PHF6: variants seen among roughly 807,000 people sequenced by gnomAD.
PHF6 encodes PHD-like zinc finger protein.
A neutral mutation model predicts 34.0 loss-of-function variants in PHF6; 7 were observed. That is an observed-to-expected ratio of 0.21 (90% confidence interval 0.12 to 0.39). The LOEUF (loss-of-function observed/expected upper bound fraction) is 0.39, where lower values mean the gene tolerates loss of function less well. Ranked by LOEUF, PHF6 falls within the 10% of genes least tolerant of loss-of-function variation. The pLI, the probability that PHF6 is intolerant of heterozygous loss-of-function variation, is 1.00. For synonymous variants in PHF6, 89 were observed against 88.4 expected, an observed-to-expected ratio of 1.01 and a Z score of -0.04; for missense variants, 128 against 262.8, an observed-to-expected ratio of 0.49 and a Z score of 3.55.
chrX:134,423,739 G>T (rs768179658), intron 9 of PHF6, among the ~76,000 whole-genome samples: 9 of 111,739 alleles, frequency 8.1e-5, no homozygotes, highest in African/African-American at 2.6e-4. Flanking sequence ...ATTAGACCTA[G>T]TTTAGATAAT....
intron 3 of PHF6, among the ~76,000 whole-genome samples, chrX:134,380,336 C>T (rs1021643110): frequency 1.9e-4 from 21 of 109,453 alleles, no homozygotes; most frequent in South Asian, 7.9e-4. Flanking sequence ...TTAGTAGAGA[C>T]GGGGTTTCAC....
intron 5 of PHF6, among the ~76,000 whole-genome samples, chrX:134,406,645 G>A (rs1266697104): frequency 9.0e-6 from 1 of 111,523 alleles, no homozygotes; most frequent in Non-Finnish European, 1.9e-5. Context: ...ATAGAGAGGG[G>A]CCTGGCCATT....
chrX:134,425,204 A>G lies in PHF6; in HGVS notation c.972A>G (p.Leu324=), dbSNP rs1209551907. The G allele has an allele frequency of 8.3e-7, 1 of 1,210,432 alleles. No individual in the cohort carries two copies. Among genetic ancestry groups the G allele is most frequent in the Admixed American group, 2.2e-5 (1 of 45,970 alleles). The part of the protein sequence containing the change: ...IENMSRGIYK[L]YCKNHSGNDE... The stretch of plus-strand genomic sequence containing the variant: ...TTTTTGTCTTTCATCATTGTAGACT[A>G]TACTGTAAAAATCATAGTGGAAATG... Residue 324 remains leucine (L), a synonymous_variant, in exon 10 of 11, where the codon CTA becomes CTG. Transcript: ENST00000370803.
chrX:134,420,991 G>T (rs1196736225), intron 9 of PHF6, among the ~76,000 whole-genome samples: 2 of 111,548 alleles, frequency 1.8e-5, no homozygotes, highest in Non-Finnish European at 3.8e-5. Context: ...CTCACCAAAT[G>T]TATAAATTTA....
intron 3 of PHF6, among the ~76,000 whole-genome samples, chrX:134,384,787 G>C (rs1364874768): frequency 4.6e-5 from 5 of 108,972 alleles, no homozygotes; most frequent in African/African-American, 1.7e-4. Flanking sequence ...GAGTAGCTGG[G>C]ACTACAGGCG....
chrX:134,411,451 A>G (rs1307928611), intron 5 of PHF6, among the ~76,000 whole-genome samples: 1 of 110,958 alleles, frequency 9.0e-6, no homozygotes, highest in East Asian at 2.8e-4. Context: ...AGTAATTTTT[A>G]TAGATGTTTA....
chrX:134,424,518 G>A (rs1035293805), intron 9 of PHF6, among the ~76,000 whole-genome samples: 3 of 112,089 alleles, frequency 2.7e-5, no homozygotes, highest in African/African-American at 9.7e-5. Flanking sequence ...AATACAGGGC[G>A]AGAGAGAACC....
chrX:134,403,692 A>G (rs779067877), intron 5 of PHF6, among the ~76,000 whole-genome samples: 2 of 112,137 alleles, frequency 1.8e-5, no homozygotes, highest in East Asian at 2.8e-4. Context: ...CCTGGCCTCA[A>G]AGCTTCAAAA....
At chrX:134,398,082 A>G (rs1044617265) in intron 5 of PHF6, among the ~76,000 whole-genome samples, 3 of 112,026 alleles carry the variant, frequency 2.7e-5, no homozygotes, top group Non-Finnish European at 5.6e-5. Flanking sequence ...AGGAATTGAT[A>G]GAAAGCTATG....
Position 134,393,904 on chromosome X carries a change from TA to T in PHF6, c.375-4del. The T allele has an allele frequency of 8.3e-7, 1 of 1,206,104 alleles. No individual in the cohort carries two copies. The highest frequency in any genetic ancestry group is 1.1e-6 in the Non-Finnish European group (1 of 891,004). ...ACTAATTTTTGATTTCTTCATTTTT[TA>T]TAGGGTCTATTGCCGAAAACACAAG... On this transcript the variant is annotated splice_region_variant and splice_polypyrimidine_tract_variant and intron_variant, in intron 4 of 10. Transcript: ENST00000370803.
intron 3 of PHF6, among the ~76,000 whole-genome samples, chrX:134,390,612 G>A (rs906011101): frequency 3.6e-4 from 40 of 112,098 alleles, no homozygotes; most frequent in African/African-American, 1.3e-3. Context: ...GGTATTGAAA[G>A]CATTTACTAG....
chrX:134,392,172 TG>T (rs2077357720), intron 3 of PHF6, among the ~76,000 whole-genome samples: 1 of 112,235 alleles, frequency 8.9e-6, no homozygotes, highest in Non-Finnish European at 1.9e-5. Flanking sequence ...ATTAGCCTCT[TG>T]GTACACCAAT....
intron 5 of PHF6, among the ~76,000 whole-genome samples, chrX:134,394,291 G>A (rs770908570): frequency 1.8e-5 from 2 of 110,268 alleles, no homozygotes; most frequent in East Asian, 5.7e-4. Flanking sequence ...GCACTGCAAT[G>A]CCCAGCTAAT....
At chrX:134,423,268 TTTGA>T (rs1186112511) in intron 9 of PHF6, among the ~76,000 whole-genome samples, 2 of 112,254 alleles carry the variant, frequency 1.8e-5, no homozygotes, top group African/African-American at 6.5e-5. Flanking sequence ...ATCCATTGCA[TTTGA>T]TATGTCTCTT....
intron 5 of PHF6, among the ~76,000 whole-genome samples, chrX:134,405,305 C>T (rs1444690087): frequency 6.3e-5 from 7 of 111,232 alleles, no homozygotes; most frequent in Non-Finnish European, 9.4e-5. Context: ...CGGGTTCAAG[C>T]GATCCTCCCA....
At chrX:134,413,717 C>G in intron 6 of PHF6, 60 bp downstream of exon 6, 1 of 1,186,503 alleles carries the variant, frequency 8.4e-7, no homozygotes, top group Non-Finnish European at 1.1e-6. Flanking sequence ...TTCATTTAAA[C>G]TATCTATAGG....
chrX:134,406,972 A>G lies in PHF6; in HGVS notation c.419-6519A>G, dbSNP rs780104222. Among the ~76,000 whole-genome samples the G allele has an allele frequency of 4.5e-5, 5 of 112,179 alleles. No individual in the cohort carries two copies. In the East Asian group the frequency reaches 8.4e-4, roughly 19 times the overall value. ...AGACCAATTATGTGCATACATAAGC[A>G]TAACTGTTCTTTTTCTAACATCCAG... On this transcript the variant is annotated intron_variant, in intron 5 of 10. Coordinates refer to ENST00000370803, the MANE Select transcript of PHF6 (RefSeq NM_001015877.2).
chrX:134,399,721 A>G, intron 5 of PHF6, among the ~76,000 whole-genome samples: 1 of 110,081 alleles, frequency 9.1e-6, no homozygotes, highest in African/African-American at 3.3e-5. Flanking sequence ...CCTATCCACT[A>G]TTAACATCCC....
intron 5 of PHF6, among the ~76,000 whole-genome samples, chrX:134,402,412 A>T (rs980334907): frequency 7.1e-5 from 8 of 112,358 alleles, no homozygotes; most frequent in Admixed American, 6.6e-4. Context: ...CTGGGAAGGC[A>T]GTATTATACA....
Sources: allele counts gnomAD v4.1 joint callset (sites outside exome capture counted in the v4.1 genomes callset), GRCh38; gene constraint gnomAD v4.1.1; transcripts MANE v1.5; gene names NCBI Gene and HGNC (gene_info 2026-07-23, HGNC 2026-07-21).